MAP3K13: variants seen among roughly 807,000 people sequenced by gnomAD.
MAP3K13 encodes the protein leucine zipper-bearing kinase.
MAP3K13 carries 52 observed loss-of-function variants against 104.0 expected under a neutral mutation model. The ratio of observed to expected loss-of-function variants is 0.50; its 90% CI spans 0.40 to 0.63. The LOEUF is 0.63. Ranked by LOEUF, MAP3K13 falls within the 20% of genes least tolerant of loss-of-function variation. The pLI, the probability that MAP3K13 is intolerant of heterozygous loss-of-function variation, is 0.00. For synonymous variants in MAP3K13, 394 were observed against 442.2 expected (o/e 0.89, Z 1.37); for missense variants, 914 against 1,218.5 (o/e 0.75, Z 3.72).
chr3:185,457,688 ACTT>A (rs766542612), intron 7 of MAP3K13, among the ~76,000 whole-genome samples: 14 of 152,080 alleles, frequency 9.2e-5, no homozygotes, highest in African/African-American at 2.2e-4. Context: ...TTTCATATTC[ACTT>A]CTTCTTCTTC....
At chr3:185,373,924 G>C (rs34769942) in intron 1 of MAP3K13, among the ~76,000 whole-genome samples, 36,587 of 150,444 alleles carry the variant, frequency 0.24, 4,544 homozygotes, top group Admixed American at 0.3. Context: ...AGGGTGGTGG[G>C]ATTATCATTA....
intron 2 of MAP3K13, among the ~76,000 whole-genome samples, chr3:185,321,992 C>T (rs528946762): frequency 6.6e-6 from 1 of 152,182 alleles, no homozygotes; most frequent in African/African-American, 2.4e-5. Flanking sequence ...TATCCCCTTA[C>T]GGAAATGGTA....
At chr3:185,350,136 C>T (rs985504630) in intron 2 of MAP3K13, among the ~76,000 whole-genome samples, 10 of 152,182 alleles carry the variant, frequency 6.6e-5, no homozygotes, top group Admixed American at 1.3e-4. Flanking sequence ...ATTCTTGAAT[C>T]GTATTTTCTA....
chr3:185,286,799 A>C (rs1050430674), intron 2 of MAP3K13, among the ~76,000 whole-genome samples: 7 of 152,192 alleles, frequency 4.6e-5, no homozygotes, highest in South Asian at 2.1e-4. Flanking sequence ...CTAGAGGCCT[A>C]GAGTAGGAAG....
intron 2 of MAP3K13, among the ~76,000 whole-genome samples, chr3:185,330,486 C>G (rs1722224988): frequency 6.6e-6 from 1 of 152,102 alleles, no homozygotes; most frequent in Non-Finnish European, 1.5e-5. Flanking sequence ...TGATTCTAGC[C>G]TCTTGAGCTG....
At chr3:185,365,113 A>C (rs1244156634) in intron 1 of MAP3K13, among the ~76,000 whole-genome samples, 1 of 152,222 alleles carries the variant, frequency 6.6e-6, no homozygotes, top group Admixed American at 6.5e-5. Context: ...TACAGTATGT[A>C]CTTTGGATTT....
At chr3:185,389,700 TAA>T (rs1038972805) in intron 1 of MAP3K13, among the ~76,000 whole-genome samples, 2 of 142,774 alleles carry the variant, frequency 1.4e-5, no homozygotes, top group Non-Finnish European at 1.5e-5. Flanking sequence ...TCAGGACCGA[TAA>T]AAAAAAAAAA....
At chr3:185,472,433 G>A (rs867234454) in intron 10 of MAP3K13, among the ~76,000 whole-genome samples, 4 of 151,846 alleles carry the variant, frequency 2.6e-5, no homozygotes, top group African/African-American at 7.3e-5. Flanking sequence ...GGATGGTCTC[G>A]ATCTCTTGAC....
chr3:185,477,181 G>T, intron 11 of MAP3K13, 145 bp from the exon 12 acceptor site: 1 of 708,214 alleles, frequency 1.4e-6, no homozygotes. Context: ...ATGAGGACAT[G>T]TATGTTTAAA....
At chr3:185,397,398 G>A (rs1712489112) in intron 1 of MAP3K13, among the ~76,000 whole-genome samples, 1 of 152,186 alleles carries the variant, frequency 6.6e-6, no homozygotes, top group African/African-American at 2.4e-5. Context: ...TTATGGCCCA[G>A]CTGGGACTCC....
At chr3:185,295,426 A>C (rs1720888595) in intron 2 of MAP3K13, among the ~76,000 whole-genome samples, 1 of 152,182 alleles carries the variant, frequency 6.6e-6, no homozygotes, top group African/African-American at 2.4e-5. Context: ...GCTGGTCTTG[A>C]ACTCCTGACC....
At chr3:185,351,121 A>G (rs1315772529) in intron 2 of MAP3K13, among the ~76,000 whole-genome samples, 1 of 152,218 alleles carries the variant, frequency 6.6e-6, no homozygotes, top group African/African-American at 2.4e-5. Flanking sequence ...AGAGCACTAA[A>G]CACCACGTGT....
At chr3:185,307,543 C>CCG (rs1553786578) in intron 2 of MAP3K13, among the ~76,000 whole-genome samples, 20 of 48,910 alleles carry the variant, frequency 4.1e-4, no homozygotes. Context: ...GGTGCACCAC[C>CCG]CCCTCCCCCG....
intron 1 of MAP3K13, among the ~76,000 whole-genome samples, chr3:185,400,211 T>G (rs915930476): frequency 6.6e-6 from 1 of 152,190 alleles, no homozygotes; most frequent in African/African-American, 2.4e-5. Context: ...TGTTTGTGCG[T>G]CTCCCCAAAC....
At chr3:185,435,582 A>G (rs920263287) in intron 2 of MAP3K13, among the ~76,000 whole-genome samples, 1 of 152,098 alleles carries the variant, frequency 6.6e-6, no homozygotes, top group African/African-American at 2.4e-5. Context: ...TTTGAGAGAG[A>G]TTTGCTTTTA....
chr3:185,469,536 G>A (rs1341494206), intron 10 of MAP3K13, among the ~76,000 whole-genome samples: 1 of 152,208 alleles, frequency 6.6e-6, no homozygotes, highest in Non-Finnish European at 1.5e-5. Flanking sequence ...GGGACAGGAA[G>A]CTGCCAATAG....
rs1718504778 is a variant in MAP3K13 at position 185,482,224 on chromosome 3, A to G, written c.2800-131A>G. 2 of 663,994 alleles carry G rather than the reference A, an allele frequency of 3.0e-6. No individual in the cohort carries two copies. The highest frequency in any genetic ancestry group is 5.0e-5 in the Admixed American group (2 of 39,614). The allele number at this position is 663,994 out of a possible 1,614,324, so 41.1% of individuals were successfully genotyped here. A position where few individuals can be genotyped will look rare whatever the true frequency, so the allele number is the denominator to read the frequency against. On this transcript the variant is annotated intron_variant, in intron 13 of 13. Transcript: ENST00000265026. This position sits in a 1 kb window ranked among gnomAD's most constrained non-coding sequence, Gnocchi z 4.5. ...GTTTTCTTTCTCCATAAGTCCCACA[A>G]GGACAGGACCTGGTCTCGTTTACCT...
chr3:185,395,441 C>G (rs1309564616), intron 1 of MAP3K13, among the ~76,000 whole-genome samples: 2 of 81,328 alleles, frequency 2.5e-5, no homozygotes, highest in African/African-American at 8.9e-5. Context: ...TCACTGCAAG[C>G]TCCGCCTCCC....
At chr3:185,290,758 A>G (rs1024006437) in intron 2 of MAP3K13, among the ~76,000 whole-genome samples, 6 of 152,248 alleles carry the variant, frequency 3.9e-5, no homozygotes, top group African/African-American at 1.4e-4. Flanking sequence ...ATTAATCTAC[A>G]TAAAGTGTCT....
Sources: gnomAD v4.1 joint callset for allele counts (sites outside exome capture counted in the v4.1 genomes callset) on GRCh38, gnomAD v4.1.1 for gene constraint, Gnocchi (gnomAD v3.1) non-coding constraint, MANE v1.5 for transcripts, NCBI Gene and HGNC (gene_info 2026-07-23, HGNC 2026-07-21) for gene names.